The following PHF21A variants were observed in gnomAD, a reference collection of about 807,000 sequenced individuals.
PHF21A encodes BHC80a.
PHF21A carries 11 observed loss-of-function variants against 82.5 expected under a neutral mutation model. That is an observed-to-expected ratio of 0.13 (90% CI 0.08 to 0.22). The LOEUF (loss-of-function observed/expected upper bound fraction) is 0.22. Among genes scored for constraint, PHF21A ranks in the 10% least tolerant of loss-of-function variants. The pLI is 1.00. For missense variants in PHF21A, 579 were observed against 837.8 expected, an observed-to-expected ratio of 0.69 and a Z score of 3.81; for synonymous variants, 297 against 302.8, an observed-to-expected ratio of 0.98 and a Z score of 0.20.
At position 46,119,366 on chromosome 11, in the gene PHF21A, T is replaced by C. The variant is rs1852326628; in HGVS notation, c.-237+1569A>G. On this transcript the variant is annotated intron_variant, in intron 1 of 18. Transcript: ENST00000676320. ...ACATGCCCGGACCTTCACTCAGATT[T>C]GAAATTCTAGAAATCCAGACTCCCA... Among the ~76,000 whole-genome samples, 2 of 152,196 alleles carry C rather than the reference T, an allele frequency of 1.3e-5. 1 individual carries two copies. Among genetic ancestry groups the C allele is most frequent in the South Asian group, 4.1e-4 (2 of 4,832 alleles).
chr11:45,966,967 G>A (rs1228819211), intron 9 of PHF21A, among the ~76,000 whole-genome samples: 3 of 151,906 alleles, frequency 2.0e-5, no homozygotes, highest in African/African-American at 4.8e-5. Flanking sequence ...TGGGCAAAAC[G>A]CTTTCCCCTT....
chr11:46,115,739 A>G (rs1593453046), intron 1 of PHF21A, among the ~76,000 whole-genome samples: 1 of 152,206 alleles, frequency 6.6e-6, no homozygotes, highest in African/African-American at 2.4e-5. Context: ...ATTCCATTAA[A>G]GGTCAGAGAC....
chr11:46,114,625 T>A (rs2097265336), intron 1 of PHF21A, among the ~76,000 whole-genome samples: 1 of 152,196 alleles, frequency 6.6e-6, no homozygotes, highest in South Asian at 2.1e-4. Context: ...CCCACTTTTA[T>A]CAGGAAATTA....
chr11:46,100,753 C>A (rs2097084331), intron 1 of PHF21A, among the ~76,000 whole-genome samples: 1 of 152,136 alleles, frequency 6.6e-6, no homozygotes, highest in Non-Finnish European at 1.5e-5. Context: ...CAAATAAATT[C>A]AGAAATAAGT....
At chr11:46,111,835 T>C (rs2097217871) in intron 1 of PHF21A, among the ~76,000 whole-genome samples, 1 of 152,212 alleles carries the variant, frequency 6.6e-6, no homozygotes, top group Non-Finnish European at 1.5e-5. Flanking sequence ...ACTTTCTTTC[T>C]GGGGCTGTTT....
At chr11:45,980,144 T>A (rs530069145) in intron 6 of PHF21A, among the ~76,000 whole-genome samples, 178 bp from the exon 7 acceptor site, 1 of 152,308 alleles carries the variant, frequency 6.6e-6, no homozygotes, top group African/African-American at 2.4e-5. Context: ...ATTGGTAATA[T>A]GAAACTGATG....
chr11:46,046,819 T>C (rs998896973), intron 6 of PHF21A, among the ~76,000 whole-genome samples: 4 of 151,732 alleles, frequency 2.6e-5, no homozygotes, highest in African/African-American at 9.7e-5. Context: ...CAAACGAGAG[T>C]AGTTTCCAAA....
At chr11:45,996,945 A>C (rs1387001642) in intron 6 of PHF21A, among the ~76,000 whole-genome samples, 8 of 152,356 alleles carry the variant, frequency 5.3e-5, no homozygotes, top group Non-Finnish European at 1.5e-5. Flanking sequence ...ATGTTAGTCT[A>C]TGGTACAGTG....
Position 45,986,257 on chromosome 11 carries a change from T to G in PHF21A, c.154-6291A>C, listed in dbSNP as rs185766593. 2.0e-5 allele frequency among the ~76,000 whole-genome samples: 3 copies of G among 152,274 alleles called. No individual in the cohort carries two copies. In the East Asian group the frequency reaches 5.8e-4, roughly 29 times the overall value. On this transcript the variant is annotated intron_variant, in intron 6 of 18. Transcript: ENST00000676320. ...GCCTGATTGAAATGCAGTTTTCTTA[T>G]TTAATTCACTCATGCTCTAATAGGT...
intron 6 of PHF21A, among the ~76,000 whole-genome samples, chr11:46,040,812 A>T (rs1038642548): frequency 2.0e-5 from 3 of 151,972 alleles, no homozygotes; most frequent in African/African-American, 7.3e-5. Context: ...TTAAATAGCA[A>T]AAGCCCAGGA....
intron 6 of PHF21A, among the ~76,000 whole-genome samples, chr11:46,022,476 C>T (rs1048059976): frequency 1.3e-5 from 2 of 151,790 alleles, no homozygotes; most frequent in East Asian, 3.9e-4. Flanking sequence ...GAAAAAGAAA[C>T]AAAAAGACAG....
chr11:46,047,639 T>C (rs558483751), intron 6 of PHF21A, among the ~76,000 whole-genome samples: 6 of 152,314 alleles, frequency 3.9e-5, no homozygotes, highest in African/African-American at 1.4e-4. Flanking sequence ...TATTTTTTCT[T>C]TGCAATGTTC....
In PHF21A at chr11:46,098,580, G is replaced by A. The variant is rs146923855; in HGVS notation, c.-236-6357C>T. ...ATTCACAAGCTTCCATAGCTCTCACGAAGCTGTTTTCTGAGTCTAATGATC... is the reference window on the plus strand; with the variant it reads ...ATTCACAAGCTTCCATAGCTCTCACAAAGCTGTTTTCTGAGTCTAATGATC... On this transcript the variant is annotated intron_variant, in intron 1 of 18. Coordinates refer to ENST00000676320, the MANE Select transcript of PHF21A (RefSeq NM_001352027.3). 6.7e-3 allele frequency among the ~76,000 whole-genome samples: 1,016 copies of A among 152,240 alleles called. 7 individuals carry two copies. Among genetic ancestry groups the A allele is most frequent in the Non-Finnish European group, 9.2e-3 (628 of 68,008 alleles).
intron 5 of PHF21A, among the ~76,000 whole-genome samples, 170 bp downstream of exon 5, chr11:46,078,964 A>T (rs972783729): frequency 6.6e-6 from 1 of 152,118 alleles, no homozygotes; most frequent in Non-Finnish European, 1.5e-5. Context: ...AATAGAATGA[A>T]TTTTTCTAAA....
At chr11:46,087,083 C>T (rs2096865806) in intron 3 of PHF21A, among the ~76,000 whole-genome samples, 1 of 152,174 alleles carries the variant, frequency 6.6e-6, no homozygotes, top group Non-Finnish European at 1.5e-5. Context: ...TCGCAATTTG[C>T]TGATGGTTAT....
At chr11:46,103,104 C>T (rs1490226181) in intron 1 of PHF21A, among the ~76,000 whole-genome samples, 1 of 152,248 alleles carries the variant, frequency 6.6e-6, no homozygotes, top group East Asian at 1.9e-4. Flanking sequence ...ACTGCACCCC[C>T]GTCACATACA....
At chr11:46,113,588 A>T (rs1013515742) in intron 1 of PHF21A, among the ~76,000 whole-genome samples, 1 of 152,154 alleles carries the variant, frequency 6.6e-6, no homozygotes, top group Admixed American at 6.5e-5. Flanking sequence ...CCAACACTTT[A>T]GGAGGCTGAG....
chr11:46,034,227 C>A (rs956955463), intron 6 of PHF21A, among the ~76,000 whole-genome samples: 6 of 151,748 alleles, frequency 4.0e-5, no homozygotes, highest in African/African-American at 7.3e-5. Context: ...CCCCACCCCC[C>A]CCTTGCATAC....
chr11:45,992,829 T>A (rs2094761066), intron 6 of PHF21A, among the ~76,000 whole-genome samples: 1 of 152,206 alleles, frequency 6.6e-6, no homozygotes, highest in Non-Finnish European at 1.5e-5. Context: ...GCCTACTTTA[T>A]CAAAACAGCT....
Sources: allele counts gnomAD v4.1 joint callset (sites outside exome capture counted in the v4.1 genomes callset), GRCh38; gene constraint gnomAD v4.1.1; transcripts MANE v1.5; gene names NCBI Gene and HGNC (gene_info 2026-07-23, HGNC 2026-07-21).